RBFOX1: variants seen among roughly 807,000 people sequenced by gnomAD.
The protein encoded by RBFOX1 is RNA binding fox-1 homolog 1, also known as RNA binding protein fox-1 homolog 1.
Under a neutral mutation model 57.7 loss-of-function variants are expected in RBFOX1, and 8 were observed. The observed-to-expected ratio is 0.14, with a 90% CI of 0.08 to 0.25. The LOEUF is 0.25. Ranked by LOEUF, RBFOX1 falls within the 10% of genes least tolerant of loss-of-function variation. The pLI is 1.00. For synonymous variants in RBFOX1, 326 were observed against 222.4 expected, an observed-to-expected ratio of 1.47 and a Z score of -4.15; for missense variants, 611 against 548.5, an observed-to-expected ratio of 1.11 and a Z score of -1.14.
At chr16:6,214,646 ACAG>A (rs2097321180) in intron 1 of RBFOX1, among the ~76,000 whole-genome samples, 1 of 103,892 alleles carries the variant, frequency 9.6e-6, no homozygotes, top group Non-Finnish European at 1.9e-5. Context: ...AGGGAGAGGG[ACAG>A]GGAGAGAGGG....
At chr16:7,148,467 C>G (rs923720716) in intron 4 of RBFOX1, among the ~76,000 whole-genome samples, 5 of 152,182 alleles carry the variant, frequency 3.3e-5, no homozygotes, top group African/African-American at 1.2e-4. Flanking sequence ...CTGTTTACAT[C>G]TCAACTTCGG....
intron 11 of RBFOX1, among the ~76,000 whole-genome samples, chr16:7,640,045 T>C (rs1391867171): frequency 6.6e-6 from 1 of 152,230 alleles, no homozygotes; most frequent in Non-Finnish European, 1.5e-5. Flanking sequence ...GATTAACAGA[T>C]GATTTCTAAG....
chr16:5,831,786 A>G (rs1226121923), intron 3 of RBFOX1, among the ~76,000 whole-genome samples: 2 of 152,138 alleles, frequency 1.3e-5, no homozygotes, highest in Non-Finnish European at 2.9e-5. Context: ...CTTTTTAGCC[A>G]TGCAAGATGG....
chr16:5,296,634 C>T (rs1413796079), intron 1 of RBFOX1, among the ~76,000 whole-genome samples: 2 of 151,256 alleles, frequency 1.3e-5, no homozygotes, highest in Non-Finnish European at 2.9e-5. Context: ...GTATTCTTTT[C>T]CCCTCCTGCT....
intron 2 of RBFOX1, among the ~76,000 whole-genome samples, chr16:6,421,989 C>T (rs972207935): frequency 4.2e-5 from 6 of 144,424 alleles, no homozygotes; most frequent in South Asian, 2.2e-4. Flanking sequence ...GGTGCTATCT[C>T]GGCTCACTGC....
At chr16:7,332,994 C>G (rs753642368) in intron 4 of RBFOX1, 1 of 1,613,392 alleles carries the variant, frequency 6.2e-7, no homozygotes, top group African/African-American at 1.3e-5. Context: ...AATAACTCTA[C>G]GTAAAGCATG....
chr16:6,317,614 T>G (rs1390097404), intron 2 of RBFOX1, among the ~76,000 whole-genome samples: 2 of 152,162 alleles, frequency 1.3e-5, no homozygotes, highest in Non-Finnish European at 2.9e-5. Context: ...TTTCAGCAAG[T>G]AAGCATTTTT....
chr16:5,555,209 T>C lies in RBFOX1; in HGVS notation c.259-43693T>C, dbSNP rs112453851. Among the ~76,000 whole-genome samples, 7 of 152,218 alleles carry C rather than the reference T, an allele frequency of 4.6e-5. 2 individuals are homozygous for C. Among genetic ancestry groups the C allele is most frequent in the African/African-American group, 1.7e-4 (7 of 41,550 alleles). ...CAGTGGATAGAATGGAACTATTAGGTTGGTGCAAAAGTAATTGCGGTTTTT... is the reference window on the plus strand; with the variant it reads ...CAGTGGATAGAATGGAACTATTAGGCTGGTGCAAAAGTAATTGCGGTTTTT... On this transcript the variant is annotated intron_variant, in intron 2 of 2. Coordinates refer to the RBFOX1 transcript ENST00000585867.
chr16:6,602,046 C>T (rs1041436665), intron 2 of RBFOX1, among the ~76,000 whole-genome samples: 1 of 152,076 alleles, frequency 6.6e-6, no homozygotes, highest in Non-Finnish European at 1.5e-5. Flanking sequence ...AGAACAAAGG[C>T]GTCCTATTTC....
rs548917534 is a variant in RBFOX1 at position 5,914,397 on chromosome 16, C to A, written c.351+47062C>A. ...GCATTTATGCTGTCAGCCAGGGCTG[C>A]AGTCTCATCTGAATCCTGACTGAGG... On this transcript the variant is annotated intron_variant, in intron 4 of 19. Transcript: ENST00000641259. 2.0e-5 allele frequency among the ~76,000 whole-genome samples: 3 copies of A among 152,306 alleles called. No homozygotes were observed. The East Asian group carries it at 5.8e-4, about 29-fold the overall frequency.
intron 1 of RBFOX1, among the ~76,000 whole-genome samples, chr16:6,266,479 C>A (rs893213621): frequency 6.6e-6 from 1 of 152,054 alleles, no homozygotes; most frequent in Non-Finnish European, 1.5e-5. Flanking sequence ...TTTGGGTGGC[C>A]TAGGCAGGCA....
intron 1 of RBFOX1, among the ~76,000 whole-genome samples, chr16:5,420,428 TCACACACACTCATACAGTCATA>T (rs1260157156): frequency 4.0e-5 from 6 of 151,896 alleles, no homozygotes; most frequent in East Asian, 1.9e-4. Flanking sequence ...GTTCACACAG[TCACACACACTCATACAGTCATA>T]CACACACACT....
intron 5 of RBFOX1, among the ~76,000 whole-genome samples, chr16:7,545,444 A>C (rs2084189633): frequency 6.6e-6 from 1 of 152,024 alleles, no homozygotes; most frequent in South Asian, 2.1e-4. Flanking sequence ...ATTAGTCAGT[A>C]ATTCTAGGAG....
intron 4 of RBFOX1, among the ~76,000 whole-genome samples, chr16:7,253,993 C>T (rs760601226): frequency 1.3e-5 from 2 of 152,102 alleles, no homozygotes; most frequent in African/African-American, 4.8e-5. Context: ...CTTGAAAATA[C>T]GTTATGGTGT....
intron 1 of RBFOX1, among the ~76,000 whole-genome samples, chr16:6,023,682 C>T (rs1245487787): frequency 2.0e-5 from 3 of 152,198 alleles, no homozygotes; most frequent in Admixed American, 2.0e-4. Context: ...CCTGCCTTTG[C>T]CACCCAGCAT....
chr16:7,492,563 A>C (rs935524579), intron 4 of RBFOX1, among the ~76,000 whole-genome samples: 2 of 152,186 alleles, frequency 1.3e-5, no homozygotes, highest in Non-Finnish European at 1.5e-5. Flanking sequence ...TCAGTTTCTT[A>C]GTGATATCAT....
chr16:6,288,938 C>T (rs1015015898), intron 1 of RBFOX1, among the ~76,000 whole-genome samples: 1 of 152,102 alleles, frequency 6.6e-6, no homozygotes, highest in African/African-American at 2.4e-5. Flanking sequence ...GAGATGCTGT[C>T]ACCCCCAGGA....
intron 3 of RBFOX1, among the ~76,000 whole-genome samples, chr16:6,767,322 T>C (rs1423339803): frequency 7.9e-5 from 12 of 151,996 alleles, no homozygotes; most frequent in South Asian, 2.1e-4. Flanking sequence ...ACTGAACACA[T>C]TGAGCCTGAA....
chr16:6,430,601 C>T (rs2094051647), intron 2 of RBFOX1, among the ~76,000 whole-genome samples: 1 of 152,076 alleles, frequency 6.6e-6, no homozygotes, highest in African/African-American at 2.4e-5. Context: ...GCTGCAAGTT[C>T]TGCTGACGGG....
Sources: gnomAD v4.1 joint callset for allele counts (sites outside exome capture counted in the v4.1 genomes callset) on GRCh38, gnomAD v4.1.1 for gene constraint, MANE v1.5 for transcripts, NCBI Gene and HGNC (gene_info 2026-07-23, HGNC 2026-07-21) for gene names.